Variants in HERC1 observed in about 807,000 individuals in gnomAD.
The protein encoded by HERC1 is probable E3 ubiquitin-protein ligase HERC1.
A neutral mutation model predicts 554.3 loss-of-function variants in HERC1; 160 were observed. The observed-to-expected ratio is 0.29, with a 90% CI of 0.25 to 0.33. The LOEUF (loss-of-function observed/expected upper bound fraction) is 0.33, where lower values mean the gene tolerates loss of function less well. Among genes scored for constraint, HERC1 ranks in the 10% least tolerant of loss-of-function variants. HERC1 has a pLI of 1.00. For missense variants in HERC1, 4,919 were observed against 5,918.5 expected, an observed-to-expected ratio of 0.83 and a Z score of 5.54; for synonymous variants, 2,175 against 2,131.7, an observed-to-expected ratio of 1.02 and a Z score of -0.56.
intron 44 of HERC1, among the ~76,000 whole-genome samples, chr15:63,662,234 T>C (rs2070394452): frequency 6.6e-6 from 1 of 152,074 alleles, no homozygotes; most frequent in African/African-American, 2.4e-5. Flanking sequence ...ATAAGTTATA[T>C]CAATAATACA....
rs377322807 is a variant in HERC1 at position 63,616,414 on chromosome 15, A to T, written c.13941+16T>A. 27 of 1,607,610 alleles carry T rather than the reference A, an allele frequency of 1.7e-5. No homozygotes were observed. Among genetic ancestry groups the T allele is most frequent in the Non-Finnish European group, 2.2e-5 (26 of 1,175,918 alleles). ...GACGTCAACACCAGTAGAAACATAG[A>T]CTGGCCAGGATTTACCTCATGGAAA... On this transcript the variant is annotated intron_variant, in intron 75 of 77. Transcript: ENST00000443617.
chr15:63,683,150 A>G (rs1210170090), intron 34 of HERC1, among the ~76,000 whole-genome samples: 4 of 151,810 alleles, frequency 2.6e-5, no homozygotes, highest in African/African-American at 4.8e-5. Flanking sequence ...AAAAAAAAAA[A>G]AAAAGAAAGA....
chr15:63,729,434 T>C, intron 15 of HERC1, 63 bp downstream of exon 15: 1 of 1,594,318 alleles, frequency 6.3e-7, no homozygotes, highest in Non-Finnish European at 8.6e-7. Flanking sequence ...TATCATGGCC[T>C]ATCCAAATAT....
intron 1 of HERC1, among the ~76,000 whole-genome samples, chr15:63,821,554 C>CAAAAA (rs35580549): frequency 1.6e-5 from 1 of 62,396 alleles, no homozygotes. Flanking sequence ...GACTCTGTCT[C>CAAAAA]AAAAAAAAAA....
intron 1 of HERC1, among the ~76,000 whole-genome samples, chr15:63,793,460 G>A (rs775835810): frequency 9.9e-5 from 15 of 152,160 alleles, no homozygotes; most frequent in Admixed American, 9.2e-4. Context: ...ATGTCAGAAA[G>A]TTACCCTATA....
intron 22 of HERC1, among the ~76,000 whole-genome samples, chr15:63,715,885 G>A (rs2073529828): frequency 6.6e-6 from 1 of 152,174 alleles, no homozygotes; most frequent in Admixed American, 6.5e-5. Flanking sequence ...TATAATTTTA[G>A]AAGTTCCACA....
Position 63,692,057 on chromosome 15 carries a change from T to C in HERC1, c.5830+354A>G, listed in dbSNP as rs2072145413. On this transcript the variant is annotated intron_variant, in intron 31 of 77. Coordinates refer to ENST00000443617, the MANE Select transcript of HERC1 (RefSeq NM_003922.4). The surrounding 1 kb of genome is among the most constrained non-coding windows in gnomAD (Gnocchi z 4.7). ...GAAATCACATTATGATAAGAGAGACTGTACAAATTCAGATCTGCATCCTGA... is the reference window on the plus strand; with the variant it reads ...GAAATCACATTATGATAAGAGAGACCGTACAAATTCAGATCTGCATCCTGA... Among the ~76,000 whole-genome samples, 1 of 152,204 alleles carries C rather than the reference T, an allele frequency of 6.6e-6. No individual in the cohort carries two copies. Among genetic ancestry groups the C allele is most frequent in the African/African-American group, 2.4e-5 (1 of 41,434 alleles).
chr15:63,656,371 A>C lies in HERC1; in HGVS notation c.9600-13T>G, dbSNP rs1421579778. 1 of 1,601,076 alleles carries C rather than the reference A, an allele frequency of 6.2e-7. No homozygotes were observed. The highest frequency in any genetic ancestry group is 8.5e-7 in the Non-Finnish European group (1 of 1,172,076). ...ACAACTGGAACCACTGCCAGTAAAG[A>C]AAAACATCTCAGATGGATAAAGAAA... is the stretch of plus-strand genomic sequence containing the variant. On this transcript the variant is annotated splice_polypyrimidine_tract_variant and intron_variant, in intron 48 of 77. Coordinates refer to ENST00000443617, the MANE Select transcript of HERC1 (RefSeq NM_003922.4).
Position 63,623,815 on chromosome 15 carries a change from C to T in HERC1, c.13521G>A (p.Leu4507=). 1 of 1,613,934 alleles carries T rather than the reference C, an allele frequency of 6.2e-7. No homozygotes were observed. Among genetic ancestry groups the T allele is most frequent in the Non-Finnish European group, 8.5e-7 (1 of 1,179,806 alleles). ...GCTTAACCTTCCACGCTCGGGAAGG[C>T]AGGCGGAGGTCTGAAGCATTCAGCT... The part of the protein sequence containing the change: ...VVKLNASDLR[L]PSRAWKVKLV... Residue 4507 remains leucine (L), a synonymous_variant, in exon 73 of 78, where the codon CTG becomes CTA. Transcript: ENST00000443617.
chr15:63,770,492 T>A (rs965227891), intron 2 of HERC1, among the ~76,000 whole-genome samples: 4 of 152,194 alleles, frequency 2.6e-5, no homozygotes, highest in African/African-American at 9.7e-5. Flanking sequence ...GCACAACATG[T>A]GCAGTAAACA....
Position 63,616,648 on chromosome 15 carries a change from G to A in HERC1, c.13723C>T (p.His4575Tyr), listed in dbSNP as rs1406747356. Residue 4575 changes from histidine (H) to tyrosine (Y), a missense_variant, in exon 75 of 78, where the codon CAC (histidine) becomes TAC (tyrosine). Around this residue, in one of 11 missense-constraint regions of HERC1, gnomAD observed 284 missense variants for 294.1 expected, o/e 0.97. Transcript: ENST00000443617. ...CCTAAAAACTTAAACTGCATTAAGTGTTCATCGAGGCAGGCAGAAGGGTTA... is the reference window on the plus strand; with the variant it reads ...CCTAAAAACTTAAACTGCATTAAGTATTCATCGAGGCAGGCAGAAGGGTTA... The part of the protein sequence containing the change: ...LFNPSACLDE[H>Y]LMQFKFLGIL... 9.9e-6 allele frequency: 16 copies of A among 1,613,248 alleles called. No homozygotes were observed. The highest frequency in any genetic ancestry group is 2.2e-5 in the South Asian group (2 of 91,070).
chr15:63,723,366 T>A lies in HERC1; in HGVS notation c.3569-11A>T, dbSNP rs201114053. ...AACTCATACATTTATCTAAAAAAAA[T>A]ACTCACGTTACCAATTTTAACATCA... On this transcript the variant is annotated splice_polypyrimidine_tract_variant and intron_variant, in intron 18 of 77. Transcript: ENST00000443617. 117 of 1,511,294 alleles carry A rather than the reference T, an allele frequency of 7.7e-5. 1 individual carries two copies. The highest frequency in any genetic ancestry group is 1.2e-5 in the Non-Finnish European group (14 of 1,120,066). 93.6% of individuals were successfully genotyped at this position (1,511,294 alleles called of 1,614,324 possible). A position where few individuals can be genotyped will look rare whatever the true frequency, so the allele number is the denominator to read the frequency against.
intron 1 of HERC1, among the ~76,000 whole-genome samples, chr15:63,818,167 A>C (rs2077560701): frequency 1.3e-5 from 2 of 152,264 alleles, no homozygotes; most frequent in African/African-American, 4.8e-5. Context: ...AGTATTATTT[A>C]TTTTTAAATT....
In HERC1 at chr15:63,662,983, C is replaced by G. The variant is rs1240371530; in HGVS notation, c.8901+1G>C. 1.1e-5 allele frequency: 18 copies of G among 1,612,750 alleles called. No individual in the cohort carries two copies. The highest frequency in any genetic ancestry group is 2.7e-5 in the African/African-American group (2 of 74,894). On this transcript the variant is annotated splice_donor_variant, in intron 44 of 77. Transcript: ENST00000443617. LOFTEE classifies it high-confidence loss of function. ...GCAGCCCCCGCTGCAGTCACACACA[C>G]CCAGGTAGGCCAATCCAGTACCTCT...
chr15:63,616,893 C>T (rs1340086643), intron 74 of HERC1, among the ~76,000 whole-genome samples: 1 of 152,010 alleles, frequency 6.6e-6, no homozygotes, highest in Non-Finnish European at 1.5e-5. Context: ...ACATGTGGAC[C>T]GTAGTTATTG....
At chr15:63,736,911 C>T (rs753474642) in intron 12 of HERC1, among the ~76,000 whole-genome samples, 7 of 151,844 alleles carry the variant, frequency 4.6e-5, no homozygotes, top group African/African-American at 9.7e-5. Context: ...CCGGCCATAG[C>T]ATCACACTCT....
intron 1 of HERC1, among the ~76,000 whole-genome samples, chr15:63,786,821 G>C (rs750687610): frequency 6.6e-6 from 1 of 152,108 alleles, no homozygotes; most frequent in African/African-American, 2.4e-5. Flanking sequence ...AACTAGAGAC[G>C]GTAGTTGCAC....
At chr15:63,800,337 C>G (rs1173076597) in intron 1 of HERC1, among the ~76,000 whole-genome samples, 1 of 152,200 alleles carries the variant, frequency 6.6e-6, no homozygotes, top group East Asian at 1.9e-4. Flanking sequence ...TCTCCCCTTG[C>G]TCTCTCTTCT....
intron 1 of HERC1, among the ~76,000 whole-genome samples, chr15:63,785,806 G>A (rs1037104626): frequency 1.3e-5 from 2 of 151,916 alleles, no homozygotes; most frequent in Non-Finnish European, 2.9e-5. Flanking sequence ...GGAAGGGGAA[G>A]GGAAGGGAAA....
Sources: gnomAD v4.1 joint callset for allele counts (sites outside exome capture counted in the v4.1 genomes callset) on GRCh38, gnomAD v4.1.1 for gene constraint, gnomAD v4.1.1 regional missense constraint, Gnocchi (gnomAD v3.1) non-coding constraint, MANE v1.5 for transcripts, NCBI Gene and HGNC (gene_info 2026-07-23, HGNC 2026-07-21) for gene names.